The following UVSSA variants were observed in gnomAD, a reference collection of about 807,000 sequenced individuals.
UVSSA encodes the protein UV-stimulated scaffold protein A.
In UVSSA, 72 loss-of-function variants were observed where a neutral mutation model predicts 73.9. That is an observed-to-expected ratio of 0.97 (90% CI 0.81 to 1.19). The LOEUF (loss-of-function observed/expected upper bound fraction) is 1.19. Among genes scored for constraint, UVSSA ranks in the 50% most tolerant of loss-of-function variants. The probability of loss-of-function intolerance (pLI) is 0.00; values close to 1 mark genes in which losing one functional copy is unlikely to be tolerated. For synonymous variants in UVSSA, 454 were observed against 391.3 expected (o/e 1.16, Z -1.89); for missense variants, 1,150 against 965.0 (o/e 1.19, Z -2.54).
At chr4:1,362,050 T>C (rs1194612070) in intron 7 of UVSSA, among the ~76,000 whole-genome samples, 1 of 152,210 alleles carries the variant, frequency 6.6e-6, no homozygotes, top group Non-Finnish European at 1.5e-5. Flanking sequence ...CCTCTTCCTT[T>C]CCTTCTCAAA....
intron 13 of UVSSA, chr4:1,384,629 A>G (rs1165086045): frequency 6.6e-6 from 1 of 152,328 alleles, no homozygotes; most frequent in East Asian, 1.9e-4. Context: ...TTTAGAAGCC[A>G]CCTGAGGCTG....
Position 1,380,643 on chromosome 4 carries a change from T to C in UVSSA, c.1753-237T>C, listed in dbSNP as rs1282966403. Reference sequence around the variant, plus strand: ...CATGCTGGATGAGGGAGGCCTAGACTTTCCACAGCTGCCCAAGACCTTCCG... The same window carrying C: ...CATGCTGGATGAGGGAGGCCTAGACCTTCCACAGCTGCCCAAGACCTTCCG... On this transcript the variant is annotated intron_variant, in intron 11 of 13. Transcript: ENST00000389851. 1.2e-5 allele frequency: 18 copies of C among 1,523,784 alleles called. No homozygotes were observed. The East Asian group carries it at 4.6e-4, about 39-fold the overall frequency. 94.4% of individuals were successfully genotyped at this position (1,523,784 alleles called of 1,614,324 possible).
intron 8 of UVSSA, among the ~76,000 whole-genome samples, chr4:1,367,312 C>T (rs1289331149): frequency 6.6e-6 from 1 of 152,220 alleles, no homozygotes; most frequent in Admixed American, 6.5e-5. Flanking sequence ...AGAGTACCCA[C>T]AGTGGTGTTT....
chr4:1,364,598 C>T (rs1327456079), intron 7 of UVSSA, among the ~76,000 whole-genome samples: 3 of 152,178 alleles, frequency 2.0e-5, no homozygotes, highest in African/African-American at 7.2e-5. Context: ...TTCTGTTTTT[C>T]GGTTTTTCTC....
intron 8 of UVSSA, 46 bp downstream of exon 8, chr4:1,366,477 C>G (rs1717346439): frequency 6.7e-7 from 1 of 1,486,022 alleles, no homozygotes; most frequent in African/African-American, 1.4e-5. Flanking sequence ...GGAGGGTCCC[C>G]CACTCAGGAT....
exon 14 of UVSSA, chr4:1,394,497 G>T: frequency 6.2e-7 from 1 of 1,613,036 alleles, no homozygotes; most frequent in Non-Finnish European, 8.5e-7. Flanking sequence ...CTGTCCAGGT[G>T]TCCCTGCACC....
chr4:1,395,788 G>T, exon 14 of UVSSA: 1 of 1,614,210 alleles, frequency 6.2e-7, no homozygotes, highest in East Asian at 2.2e-5. Flanking sequence ...ACTCATGGTG[G>T]CTTTTTAATA....
intron 9 of UVSSA, 77 bp downstream of exon 9, chr4:1,375,585 C>A (rs1422193039): frequency 6.5e-7 from 1 of 1,539,816 alleles, no homozygotes; most frequent in African/African-American, 1.4e-5. Context: ...TGGCCGGCCT[C>A]GAGAGGCTGC....
intron 12 of UVSSA, 85 bp from the exon 13 acceptor site, chr4:1,383,681 G>T: frequency 1.3e-6 from 2 of 1,564,632 alleles, no homozygotes; most frequent in South Asian, 2.2e-5. Context: ...GTCAGGACGA[G>T]ACCAAGAGCC....
chr4:1,382,662 G>A (rs886689086), intron 12 of UVSSA, among the ~76,000 whole-genome samples: 4 of 152,212 alleles, frequency 2.6e-5, no homozygotes, highest in Non-Finnish European at 5.9e-5. Flanking sequence ...GAGATAAACT[G>A]TTTGGACAGT....
At chr4:1,392,306 T>G (rs1720428910), downstream of UVSSA, 1 of 152,256 alleles carries the variant, frequency 6.6e-6, no homozygotes, top group Non-Finnish European at 1.5e-5. Flanking sequence ...TATGCAGTTG[T>G]CTTTTAAATC....
intron 7 of UVSSA, among the ~76,000 whole-genome samples, chr4:1,362,695 C>T (rs964176094): frequency 2.0e-5 from 3 of 152,200 alleles, no homozygotes; most frequent in Non-Finnish European, 4.4e-5. Context: ...ACCTTGAGGG[C>T]GGGTGGCTCT....
upstream of UVSSA, among the ~76,000 whole-genome samples, chr4:1,343,604 T>C (rs952682927): frequency 1.3e-5 from 2 of 152,092 alleles, no homozygotes; most frequent in Admixed American, 6.6e-5. Flanking sequence ...CTGACCAACA[T>C]GGTGAAACCC....
chr4:1,390,264 T>C (rs952968794), downstream of UVSSA: 2 of 152,228 alleles, frequency 1.3e-5, no homozygotes, highest in Admixed American at 1.3e-4. Context: ...TTTCCACATA[T>C]ATGTGAATTT....
downstream of UVSSA, chr4:1,391,985 T>G (rs766151864): frequency 6.6e-6 from 1 of 152,276 alleles, no homozygotes. Flanking sequence ...TTTACTATAT[T>G]GTCTTTTTTG....
chr4:1,368,792 G>A (rs1183254860), intron 8 of UVSSA, among the ~76,000 whole-genome samples: 1 of 152,258 alleles, frequency 6.6e-6, no homozygotes, highest in Non-Finnish European at 1.5e-5. Flanking sequence ...CTCAGCAGAT[G>A]ATGAGCTGTC....
chr4:1,394,728 G>C, exon 14 of UVSSA: 1 of 1,603,108 alleles, frequency 6.2e-7, no homozygotes, highest in Non-Finnish European at 8.5e-7. Context: ...TGTCCATGTG[G>C]AGTGCCCACC....
At chr4:1,371,256 CTGTGTGTGTGTGTGTGTGTGTG>C (rs34839757) in intron 8 of UVSSA, among the ~76,000 whole-genome samples, 1 of 146,522 alleles carries the variant, frequency 6.8e-6, no homozygotes, top group African/African-American at 2.5e-5. Flanking sequence ...GTGGGTGGAC[CTGTGTGTGTGTGTGTGTGTGTG>C]TGTGTGTGTG....
upstream of UVSSA, among the ~76,000 whole-genome samples, chr4:1,343,567 T>C (rs1366791229): frequency 1.3e-5 from 2 of 152,174 alleles, no homozygotes; most frequent in African/African-American, 4.8e-5. Flanking sequence ...AGGAGGCAGA[T>C]CATGAGGTCA....
Sources: allele counts gnomAD v4.1 joint callset (sites outside exome capture counted in the v4.1 genomes callset), GRCh38; gene constraint gnomAD v4.1.1; transcripts MANE v1.5; gene names NCBI Gene and HGNC (gene_info 2026-07-23, HGNC 2026-07-21).